The following SDK2 variants were observed in gnomAD, a reference collection of about 807,000 sequenced individuals.
SDK2 encodes the protein protein sidekick-2.
SDK2 carries 105 observed loss-of-function variants against 253.9 expected under a neutral mutation model. That is an observed-to-expected ratio of 0.41 (90% CI 0.35 to 0.49). The LOEUF (loss-of-function observed/expected upper bound fraction) is 0.49. Ranked by LOEUF, SDK2 falls within the 20% of genes least tolerant of loss-of-function variation. SDK2 has a pLI of 0.06. For missense variants in SDK2, 2,608 were observed against 3,003.0 expected (o/e 0.87, Z 3.07); for synonymous variants, 1,249 against 1,234.9 (o/e 1.01, Z -0.24).
At chr17:73,627,830 A>G in intron 1 of SDK2, among the ~76,000 whole-genome samples, 1 of 152,254 alleles carries the variant, frequency 6.6e-6, no homozygotes, top group East Asian at 1.9e-4. Flanking sequence ...TGGGCGGATC[A>G]CGAGATCAGG....
In SDK2 at chr17:73,365,635, C is replaced by T. The variant is rs531803282; in HGVS notation, c.5168-240G>A. Among the ~76,000 whole-genome samples, 149 of 152,132 alleles carry T rather than the reference C, an allele frequency of 9.8e-4. 2 individuals carry two copies. Among genetic ancestry groups the T allele is most frequent in the African/African-American group, 3.4e-3 (143 of 41,522 alleles). On this transcript the variant is annotated intron_variant, in intron 37 of 44. Transcript: ENST00000392650. ...TGGGAAGAAAGAGAACTCGATTTTT[C>T]CCTCAAGTTGCAGAATTCAGGCTTC...
intron 1 of SDK2, among the ~76,000 whole-genome samples, chr17:73,522,289 G>A (rs1490106494): frequency 6.6e-6 from 1 of 152,218 alleles, no homozygotes; most frequent in Non-Finnish European, 1.5e-5. Context: ...CCTGCCCCAG[G>A]CTGCAGCCAC....
chr17:73,433,133 T>C (rs1043920607), intron 10 of SDK2, among the ~76,000 whole-genome samples: 2 of 152,030 alleles, frequency 1.3e-5, no homozygotes, highest in African/African-American at 4.8e-5. Context: ...TATAGTCTAG[T>C]CTTCACATCA....
intron 16 of SDK2, among the ~76,000 whole-genome samples, chr17:73,418,010 G>GTTTTTTTTTTTT (rs397689294): frequency 9.7e-4 from 124 of 128,230 alleles, no homozygotes; most frequent in Non-Finnish European, 1.3e-3. Flanking sequence ...TCCTAGATGA[G>GTTTTTTTTTTTT]TTTTTTTTTT....
At chr17:73,611,167 T>G (rs374977491) in intron 1 of SDK2, among the ~76,000 whole-genome samples, 1 of 152,338 alleles carries the variant, frequency 6.6e-6, no homozygotes, top group African/African-American at 2.4e-5. Context: ...GTCAAAGACT[T>G]CTGGTTCTCT....
intron 2 of SDK2, among the ~76,000 whole-genome samples, chr17:73,486,958 G>T (rs1323993251): frequency 6.6e-6 from 1 of 152,118 alleles, no homozygotes; most frequent in African/African-American, 2.4e-5. Context: ...TTTTGAGATG[G>T]ACTCTCACTC....
chr17:73,356,031 G>C lies in SDK2; in HGVS notation c.5593+2048C>G, dbSNP rs373065295. ...TCCTTTTCAAATCCACAGCAATGGC[G>C]AGAGGGATGAACTACTGTCCCCATT... On this transcript the variant is annotated intron_variant, in intron 40 of 44. Transcript: ENST00000392650. Among the ~76,000 whole-genome samples, 47 of 152,284 alleles carry C rather than the reference G, an allele frequency of 3.1e-4. No individual in the cohort carries two copies. In the South Asian group the frequency reaches 6.2e-3, roughly 20 times the overall value.
At position 73,455,454 on chromosome 17, in the gene SDK2, G is replaced by GAC. The variant is rs140111366; in HGVS notation, c.479+450_479+451dup. ...GGCCACACCTCCGCCGCACAGCCAA[G>GAC]ACACACACAGCCCTCACACACCAGT... On this transcript the variant is annotated intron_variant, in intron 4 of 44. Coordinates refer to ENST00000392650, the MANE Select transcript of SDK2 (RefSeq NM_001144952.2). This position sits in a 1 kb window ranked among gnomAD's most constrained non-coding sequence, Gnocchi z 5.0. Among the ~76,000 whole-genome samples the GAC allele has an allele frequency of 3.1e-3, 469 of 152,142 alleles. 8 individuals are homozygous for GAC. In the East Asian group the frequency reaches 0.046, roughly 15 times the overall value.
chr17:73,407,066 G>A (rs2063084952), intron 18 of SDK2, among the ~76,000 whole-genome samples: 1 of 152,218 alleles, frequency 6.6e-6, no homozygotes, highest in South Asian at 2.1e-4. Flanking sequence ...GGAATTGAAA[G>A]TGTGAGTATC....
rs1359488687 is a variant in SDK2, at chr17:73,433,773, T to C, written c.1271A>G (p.Glu424Gly). ...AGCTGGTCGGGGCGCCCCCGAGGTC[T>C]CACATGCTAGCACCACTGACATGCC... Reference protein sequence around the residue: ...IDGMSVVLACETSGAPRPAIT... With the variant: ...IDGMSVVLACGTSGAPRPAIT... The change falls in exon 10 of 45, where the codon GAG (glutamate) becomes GGG (glycine). Residue 424 changes from glutamate to glycine, a missense_variant. Transcript: ENST00000392650. 6.2e-7 allele frequency: 1 copy of C among 1,608,812 alleles called. No individual in the cohort carries two copies. Among genetic ancestry groups the C allele is most frequent in the Non-Finnish European group, 8.5e-7 (1 of 1,177,590 alleles).
chr17:73,416,097 G>A, intron 16 of SDK2, 105 bp from the exon 17 acceptor site: 1 of 1,049,142 alleles, frequency 9.5e-7, no homozygotes, highest in Non-Finnish European at 1.4e-6. Flanking sequence ...TCCGGTGGTG[G>A]CGGAAGTGCT....
At chr17:73,581,042 G>C (rs1390538862) in intron 1 of SDK2, among the ~76,000 whole-genome samples, 1 of 148,248 alleles carries the variant, frequency 6.7e-6, no homozygotes, top group African/African-American at 2.5e-5. Context: ...GCTAATTTTT[G>C]TATTTTTTGG....
At chr17:73,515,832 C>G (rs1443458062) in intron 1 of SDK2, among the ~76,000 whole-genome samples, 1 of 152,210 alleles carries the variant, frequency 6.6e-6, no homozygotes, top group South Asian at 2.1e-4. Flanking sequence ...AAATTCACCT[C>G]CTGGGCCTTA....
chr17:73,375,230 CTTTTTTTTTTTTTTTTTT>C (rs33992958), intron 36 of SDK2, among the ~76,000 whole-genome samples: 14 of 58,578 alleles, frequency 2.4e-4, no homozygotes, highest in Admixed American at 6.0e-4. Flanking sequence ...TCCTAACAAC[CTTTTTTTTTTTTTTTTTT>C]TTTTTTTTTT....
intron 28 of SDK2, 53 bp from the exon 29 acceptor site, chr17:73,390,534 G>A: frequency 6.5e-7 from 1 of 1,536,794 alleles, no homozygotes; most frequent in Non-Finnish European, 8.8e-7. Context: ...GCCGCTCCTA[G>A]GGCCCCGGGA....
chr17:73,545,099 G>GCA (rs58966207), intron 1 of SDK2, among the ~76,000 whole-genome samples: 18,036 of 145,754 alleles, frequency 0.12, 1,303 homozygotes, highest in South Asian at 0.21. Flanking sequence ...GCACGTGCAC[G>GCA]CACACACACA....
chr17:73,578,127 T>C (rs2045482248), intron 1 of SDK2, among the ~76,000 whole-genome samples: 1 of 151,334 alleles, frequency 6.6e-6, no homozygotes, highest in African/African-American at 2.4e-5. Context: ...TGGTGCGATC[T>C]CAGCTCACTG....
intron 36 of SDK2, among the ~76,000 whole-genome samples, chr17:73,371,364 A>G (rs1007075233): frequency 1.3e-5 from 2 of 152,084 alleles, no homozygotes; most frequent in African/African-American, 2.4e-5. Flanking sequence ...GTTGGTGGGG[A>G]GGAAGAGCTA....
intron 1 of SDK2, among the ~76,000 whole-genome samples, chr17:73,551,994 A>G (rs773916980): frequency 3.3e-5 from 5 of 152,202 alleles, no homozygotes; most frequent in African/African-American, 4.8e-5. Flanking sequence ...TGAAGAGACC[A>G]ACCAAGACTG....
Sources: allele counts gnomAD v4.1 joint callset (sites outside exome capture counted in the v4.1 genomes callset), GRCh38; gene constraint gnomAD v4.1.1; non-coding constraint Gnocchi (gnomAD v3.1); transcripts MANE v1.5; gene names NCBI Gene and HGNC (gene_info 2026-07-23, HGNC 2026-07-21).